Variants in NR1I2 observed in about 807,000 individuals in gnomAD.
NR1I2 encodes the protein orphan nuclear receptor PAR1.
A neutral mutation model predicts 43.3 loss-of-function variants in NR1I2; 42 were observed. The ratio of observed to expected loss-of-function variants is 0.97; its 90% CI spans 0.76 to 1.26. The LOEUF (loss-of-function observed/expected upper bound fraction) is 1.26. Ranked by LOEUF, NR1I2 falls within the 50% of genes most tolerant of loss-of-function variation. The probability of loss-of-function intolerance (pLI) is 0.00; values close to 1 mark genes in which losing one functional copy is unlikely to be tolerated. For missense variants in NR1I2, 559 were observed against 566.7 expected (o/e 0.99, Z 0.14); for synonymous variants, 229 against 215.0 (o/e 1.06, Z -0.57).
intron 1 of NR1I2, among the ~76,000 whole-genome samples, chr3:119,789,345 C>T (rs773032907): frequency 2.0e-5 from 3 of 152,044 alleles, no homozygotes; most frequent in African/African-American, 2.4e-5. Flanking sequence ...AAAAAAGGTT[C>T]AATGGACTCA....
chr3:119,803,016 G>T (rs1390940488), intron 1 of NR1I2: 3 of 455,442 alleles, frequency 6.6e-6, no homozygotes, highest in East Asian at 7.0e-5. Flanking sequence ...GAACCCTCAT[G>T]ATTGAGTTAG....
intron 1 of NR1I2, among the ~76,000 whole-genome samples, chr3:119,789,561 C>T (rs540228459): frequency 1.3e-5 from 2 of 152,372 alleles, no homozygotes; most frequent in African/African-American, 4.8e-5. Context: ...CACCAGGTCC[C>T]TCCCACATAT....
In NR1I2 at chr3:119,815,132, G is replaced by C; in HGVS notation, c.937+11G>C. The C allele has an allele frequency of 6.2e-7, 1 of 1,614,120 alleles. No individual in the cohort carries two copies. Among genetic ancestry groups the C allele is most frequent in the Non-Finnish European group, 8.5e-7 (1 of 1,180,028 alleles). ...TGGAAGACACTGCAGGTGCCCGAGA[G>C]AGCCTGCCTGCCCTGGCAGAGGGAG... On this transcript the variant is annotated intron_variant, in intron 6 of 8. Coordinates refer to ENST00000393716, the MANE Select transcript of NR1I2 (RefSeq NM_003889.4).
intron 1 of NR1I2, among the ~76,000 whole-genome samples, chr3:119,800,540 T>G (rs1020840589): frequency 2.0e-5 from 3 of 152,232 alleles, no homozygotes; most frequent in Non-Finnish European, 4.4e-5. Context: ...TCCCTTTGTC[T>G]ATATTATCTT....
At chr3:119,794,613 C>G (rs1377205216) in intron 1 of NR1I2, among the ~76,000 whole-genome samples, 3 of 152,102 alleles carry the variant, frequency 2.0e-5, no homozygotes, top group Non-Finnish European at 4.4e-5. Context: ...GCATGAGCCC[C>G]CACACCTGGC....
intron 4 of NR1I2, among the ~76,000 whole-genome samples, chr3:119,812,005 C>G (rs975488462): frequency 6.6e-6 from 1 of 152,118 alleles, no homozygotes; most frequent in African/African-American, 2.4e-5. Flanking sequence ...AGGGGCAGGA[C>G]CCCCCGGTGA....
At chr3:119,786,992 A>G (rs977564799) in intron 1 of NR1I2, among the ~76,000 whole-genome samples, 1 of 152,218 alleles carries the variant, frequency 6.6e-6, no homozygotes, top group Non-Finnish European at 1.5e-5. Context: ...ATAAGGGAAA[A>G]GAAAAGATGT....
chr3:119,790,196 A>G (rs1041971986), intron 1 of NR1I2, among the ~76,000 whole-genome samples: 2 of 152,338 alleles, frequency 1.3e-5, no homozygotes, highest in East Asian at 1.9e-4. Context: ...TTCACTTAGC[A>G]TAATGTCCTC....
In NR1I2 at chr3:119,817,480, G is replaced by A. The variant is rs2055347169; in HGVS notation, c.*268G>A. On this transcript the variant is annotated 3_prime_UTR_variant, in exon 9 of 9. Transcript: ENST00000393716. ...CCTGTAGGTCAGGACCATCAGAGAG[G>A]CAAGGTTGCCCTTTCCTTTTAAAAG... 1 of 1,330,194 alleles carries A rather than the reference G, an allele frequency of 7.5e-7. No individual in the cohort carries two copies. Among genetic ancestry groups the A allele is most frequent in the Admixed American group, 3.2e-5 (1 of 31,672 alleles). 82.4% of individuals were successfully genotyped at this position (1,330,194 alleles called of 1,614,324 possible). A position where few individuals can be genotyped will look rare whatever the true frequency, so the allele number is the denominator to read the frequency against.
At chr3:119,784,335 AC>A (rs1200130552) in intron 1 of NR1I2, among the ~76,000 whole-genome samples, 1 of 151,724 alleles carries the variant, frequency 6.6e-6, no homozygotes, top group Non-Finnish European at 1.5e-5. Context: ...TTTTTATAGG[AC>A]CCCTCTTGGC....
At chr3:119,798,198 C>A (rs867880102) in intron 1 of NR1I2, among the ~76,000 whole-genome samples, 4 of 152,034 alleles carry the variant, frequency 2.6e-5, no homozygotes, top group Admixed American at 2.0e-4. Context: ...ACGCCCTGTT[C>A]TTTTCTTAAT....
At chr3:119,816,789 C>T (rs1465989049) in intron 8 of NR1I2, among the ~76,000 whole-genome samples, 3 of 150,148 alleles carry the variant, frequency 2.0e-5, no homozygotes, top group Non-Finnish European at 1.5e-5. Flanking sequence ...CCATCATGCT[C>T]TAGCCTGGGT....
At position 119,817,095 on chromosome 3, in the gene NR1I2, G is replaced by A. The variant is rs1419720009; in HGVS notation, c.1188G>A (p.Met396Ile). Reference sequence around the variant, plus strand: ...TCTTGTTCCTGAAGATCATGGCTATGCTCACCGAGCTCCGCAGCATCAATG... The same window carrying A: ...TCTTGTTCCTGAAGATCATGGCTATACTCACCGAGCTCCGCAGCATCAATG... Residue 396 changes from methionine (M) to isoleucine (I), a missense_variant, in exon 9 of 9, where the codon ATG becomes ATA. Transcript: ENST00000393716. 6.2e-7 allele frequency: 1 copy of A among 1,614,202 alleles called. No homozygotes were observed. The highest frequency in any genetic ancestry group is 2.2e-5 in the East Asian group (1 of 44,880).
Position 119,818,383 on chromosome 3 carries a change from T to C in NR1I2, c.*1171T>C. 1.5e-5 allele frequency: 15 copies of C among 985,216 alleles called. No individual in the cohort carries two copies. Among genetic ancestry groups the C allele is most frequent in the Non-Finnish European group, 1.8e-5 (15 of 829,748 alleles). 61.0% of individuals were successfully genotyped at this position (985,216 alleles called of 1,614,324 possible). A position where few individuals can be genotyped will look rare whatever the true frequency, so the allele number is the denominator to read the frequency against. ...TTTTTTGCATTTTCACAAATTATACTTTATATAAGGCATTCCACACCTAAG... is the reference window on the plus strand; with the variant it reads ...TTTTTTGCATTTTCACAAATTATACCTTATATAAGGCATTCCACACCTAAG... On this transcript the variant is annotated 3_prime_UTR_variant, in exon 9 of 9. Coordinates refer to ENST00000393716, the MANE Select transcript of NR1I2 (RefSeq NM_003889.4).
intron 1 of NR1I2, among the ~76,000 whole-genome samples, chr3:119,792,831 C>T (rs940719315): frequency 3.3e-5 from 5 of 152,098 alleles, no homozygotes; most frequent in Admixed American, 6.5e-5. Flanking sequence ...GCTGAGATCG[C>T]GCCACTGCCC....
rs1269922346 is a variant in NR1I2, at chr3:119,815,736, T to C, written c.1065T>C (p.Gly355=). The stretch of plus-strand genomic sequence containing the variant: ...CTCCCTCCCCTCCAGACCGCCCAGG[T>C]GTGCTGCAGCACCGCGTGGTGGACC... The change falls in exon 8 of 9, where the codon GGT becomes GGC. Residue 355 remains glycine, a synonymous_variant. Coordinates refer to ENST00000393716, the MANE Select transcript of NR1I2 (RefSeq NM_003889.4). 6.2e-7 allele frequency: 1 copy of C among 1,613,246 alleles called. No homozygotes were observed. The highest frequency in any genetic ancestry group is 8.5e-7 in the Non-Finnish European group (1 of 1,179,672).
At position 119,807,237 on chromosome 3, in the gene NR1I2, G is replaced by T. The variant is rs200626488; in HGVS notation, c.-14G>T. The stretch of plus-strand genomic sequence containing the variant: ...GGTTTTCTCATTTCTAGTCCAAGAG[G>T]CCCAGAAGCAAACCTGGAGGTGAGA... On this transcript the variant is annotated 5_prime_UTR_variant, in exon 2 of 9. Coordinates refer to ENST00000393716, the MANE Select transcript of NR1I2 (RefSeq NM_003889.4). 6.6e-5 allele frequency: 106 copies of T among 1,613,848 alleles called. No individual in the cohort carries two copies. Among genetic ancestry groups the T allele is most frequent in the Non-Finnish European group, 8.6e-5 (102 of 1,179,910 alleles).
chr3:119,816,568 C>A (rs1305072883), intron 8 of NR1I2, among the ~76,000 whole-genome samples: 1 of 152,164 alleles, frequency 6.6e-6, no homozygotes, highest in Non-Finnish European at 1.5e-5. Context: ...CACCTATAAT[C>A]CCAGCACTTT....
intron 1 of NR1I2, among the ~76,000 whole-genome samples, chr3:119,793,870 G>A (rs573811353): frequency 1.3e-5 from 2 of 152,220 alleles, no homozygotes; most frequent in African/African-American, 4.8e-5. Context: ...ATTAATTAAT[G>A]AAAGTGTTAT....
Sources: gnomAD v4.1 joint callset for allele counts (sites outside exome capture counted in the v4.1 genomes callset) on GRCh38, gnomAD v4.1.1 for gene constraint, MANE v1.5 for transcripts, NCBI Gene and HGNC (gene_info 2026-07-23, HGNC 2026-07-21) for gene names.